The following CACNB4 variants were observed in gnomAD, a reference collection of about 807,000 sequenced individuals.
CACNB4 encodes calcium voltage-gated channel auxiliary subunit beta 4.
In CACNB4, 32 loss-of-function variants were observed where a neutral mutation model predicts 71.2. That is an observed-to-expected ratio of 0.45 (90% CI 0.34 to 0.60). The LOEUF (loss-of-function observed/expected upper bound fraction) is 0.60, where lower values mean the gene tolerates loss of function less well. Among genes scored for constraint, CACNB4 ranks in the 20% least tolerant of loss-of-function variants. The pLI is 0.01. For missense variants in CACNB4, 464 were observed against 647.9 expected (o/e 0.72, Z 3.08); for synonymous variants, 231 against 236.9 (o/e 0.97, Z 0.23).
At chr2:152,029,321 C>T (rs1489638456) in intron 2 of CACNB4, among the ~76,000 whole-genome samples, 4 of 151,712 alleles carry the variant, frequency 2.6e-5, no homozygotes, top group South Asian at 2.1e-4. Flanking sequence ...GGTGAAGCCC[C>T]GTCTCTACTA....
chr2:151,975,967 T>C (rs2099873711), intron 2 of CACNB4, among the ~76,000 whole-genome samples: 1 of 152,206 alleles, frequency 6.6e-6, no homozygotes, highest in Admixed American at 6.5e-5. Flanking sequence ...GGATAAACTG[T>C]ACATAGCTCG....
chr2:151,841,802 C>A, intron 13 of CACNB4, 101 bp downstream of exon 13: 1 of 947,348 alleles, frequency 1.1e-6, no homozygotes, highest in South Asian at 1.4e-5. Flanking sequence ...CATAGTGTTC[C>A]CTCTTCAGAT....
chr2:151,972,507 G>A (rs2099872834), intron 2 of CACNB4: 1 of 152,200 alleles, frequency 6.6e-6, no homozygotes, highest in Non-Finnish European at 1.5e-5. Flanking sequence ...TACACTGACA[G>A]TCTGATCATT....
At chr2:152,039,573 T>C (rs1447195962) in intron 2 of CACNB4, among the ~76,000 whole-genome samples, 1 of 152,240 alleles carries the variant, frequency 6.6e-6, no homozygotes, top group African/African-American at 2.4e-5. Flanking sequence ...GGTTTTATCT[T>C]ACATTTCCAA....
chr2:152,061,009 C>T (rs545563259), intron 2 of CACNB4, among the ~76,000 whole-genome samples: 2 of 152,030 alleles, frequency 1.3e-5, no homozygotes, highest in Non-Finnish European at 2.9e-5. Flanking sequence ...TCTTTTTAAT[C>T]AAAAATATTT....
At chr2:151,991,627 T>C (rs964999685) in intron 2 of CACNB4, among the ~76,000 whole-genome samples, 1 of 152,346 alleles carries the variant, frequency 6.6e-6, no homozygotes, top group East Asian at 1.9e-4. Context: ...ACCATAGGAA[T>C]GCAGGGCTTC....
chr2:151,935,070 T>C (rs16830477), intron 2 of CACNB4, among the ~76,000 whole-genome samples: 2,900 of 152,298 alleles, frequency 0.019, 91 homozygotes, highest in African/African-American at 0.066. Context: ...ACCTGGAACA[T>C]CACAAGTGAG....
intron 2 of CACNB4, among the ~76,000 whole-genome samples, chr2:152,068,251 C>A (rs1423189816): frequency 6.6e-6 from 1 of 152,156 alleles, no homozygotes; most frequent in Non-Finnish European, 1.5e-5. Flanking sequence ...CTCTCCCTTC[C>A]TCTTGCTAGA....
At chr2:152,090,262 G>A (rs1005195855) in intron 2 of CACNB4, among the ~76,000 whole-genome samples, 1 of 152,234 alleles carries the variant, frequency 6.6e-6, no homozygotes, top group African/African-American at 2.4e-5. Context: ...GGTTGACCCT[G>A]TCTGGGGCAG....
At chr2:151,851,540 C>T (rs1382337935) in intron 12 of CACNB4, 3 of 152,188 alleles carry the variant, frequency 2.0e-5, no homozygotes, top group African/African-American at 4.8e-5. Context: ...GTTGCTTTTA[C>T]AGATGCAAAT....
chr2:152,091,031 G>C (rs1030176078), intron 2 of CACNB4, among the ~76,000 whole-genome samples: 23 of 150,276 alleles, frequency 1.5e-4, no homozygotes, highest in African/African-American at 4.9e-4. Context: ...GCAACAGAGT[G>C]TGACTCCATC....
intron 12 of CACNB4, among the ~76,000 whole-genome samples, chr2:151,843,190 G>A (rs1479517733): frequency 6.6e-6 from 1 of 152,232 alleles, no homozygotes; most frequent in African/African-American, 2.4e-5. Flanking sequence ...TCATTGCAGT[G>A]TGGCTGGGAA....
At chr2:152,021,955 A>C (rs1683690315) in intron 2 of CACNB4, among the ~76,000 whole-genome samples, 1 of 152,230 alleles carries the variant, frequency 6.6e-6, no homozygotes, top group African/African-American at 2.4e-5. Context: ...AAGGCTATAT[A>C]CATTCAAGAA....
At chr2:151,850,037 T>G (rs992733137) in intron 12 of CACNB4, 3 of 152,178 alleles carry the variant, frequency 2.0e-5, no homozygotes, top group African/African-American at 7.2e-5. Flanking sequence ...GATATTACTA[T>G]CTGGCCCTTT....
chr2:152,027,147 C>T (rs888670061), intron 2 of CACNB4, among the ~76,000 whole-genome samples: 5 of 152,186 alleles, frequency 3.3e-5, no homozygotes, highest in Non-Finnish European at 7.3e-5. Flanking sequence ...AGGTGGTCCG[C>T]CCACCTCAGC....
At chr2:152,083,225 CAT>C (rs111497084) in intron 2 of CACNB4, among the ~76,000 whole-genome samples, 23 of 152,216 alleles carry the variant, frequency 1.5e-4, no homozygotes, top group African/African-American at 5.1e-4. Flanking sequence ...TGTGTGTATG[CAT>C]ATGTGTGTAC....
chr2:151,872,113 A>G, intron 6 of CACNB4: 1 of 300,102 alleles, frequency 3.3e-6, no homozygotes, highest in Non-Finnish European at 6.3e-6. Context: ...ACCATCTTAA[A>G]CTCTGTCCGT....
At chr2:151,870,891 A>G in intron 6 of CACNB4, 30 bp from the exon 7 acceptor site, 3 of 1,559,842 alleles carry the variant, frequency 1.9e-6, no homozygotes, top group Non-Finnish European at 2.6e-6. Context: ...GCCATATCAA[A>G]ATATGTAAAC....
intron 2 of CACNB4, chr2:151,973,693 C>A (rs1024832280): frequency 1.9e-6 from 3 of 1,613,494 alleles, no homozygotes; most frequent in East Asian, 2.2e-5. Context: ...CAATTCCATG[C>A]AGGTACAAAT....
Sources: allele counts gnomAD v4.1 joint callset (sites outside exome capture counted in the v4.1 genomes callset), GRCh38; gene constraint gnomAD v4.1.1; transcripts MANE v1.5; gene names NCBI Gene and HGNC (gene_info 2026-07-23, HGNC 2026-07-21).